Variants in TENM4 observed in about 807,000 individuals in gnomAD.
The protein encoded by TENM4 is teneurin-4.
Under a neutral mutation model 243.3 loss-of-function variants are expected in TENM4, and 82 were observed. The observed-to-expected ratio is 0.34, with a 90% CI of 0.28 to 0.40. The LOEUF is 0.40. Among genes scored for constraint, TENM4 ranks in the 10% least tolerant of loss-of-function variants. The pLI, the probability that TENM4 is intolerant of heterozygous loss-of-function variation, is 1.00. For synonymous variants in TENM4, 1,412 were observed against 1,456.3 expected (o/e 0.97, Z 0.69); for missense variants, 3,138 against 3,673.3 (o/e 0.85, Z 3.77).
chr11:78,886,861 A>G (rs1180972902), intron 9 of TENM4, among the ~76,000 whole-genome samples: 1 of 152,198 alleles, frequency 6.6e-6, no homozygotes, highest in Non-Finnish European at 1.5e-5. Context: ...CAGTGAACTG[A>G]CCATTCCTGG....
Position 79,328,541 on chromosome 11 carries a change from C to T in TENM4, c.-320-30998G>A, listed in dbSNP as rs567482497. Among the ~76,000 whole-genome samples, 6 of 152,224 alleles carry T rather than the reference C, an allele frequency of 3.9e-5. 1 individual carries two copies. The East Asian group carries it at 1.2e-3, about 29-fold the overall frequency. On this transcript the variant is annotated intron_variant, in intron 1 of 33. Coordinates refer to ENST00000278550, the MANE Select transcript of TENM4 (RefSeq NM_001098816.3). ...GACAGCAAACCCCACAACTGTGACC[C>T]TGCAGCTGCCACAGGGTCCAGTTCT...
At chr11:78,794,789 C>T (rs367883764) in intron 15 of TENM4, among the ~76,000 whole-genome samples, 1 of 152,066 alleles carries the variant, frequency 6.6e-6, no homozygotes. Flanking sequence ...AGGACATTTC[C>T]TTTAGGTGGA....
intron 6 of TENM4, among the ~76,000 whole-genome samples, chr11:78,975,725 A>G (rs1406837789): frequency 6.7e-6 from 1 of 149,130 alleles, no homozygotes; most frequent in East Asian, 2.0e-4. Flanking sequence ...CCTCCTACTC[A>G]GATACTGGAG....
chr11:79,141,405 TTCC>T (rs1337887856), intron 4 of TENM4, among the ~76,000 whole-genome samples: 1 of 144,654 alleles, frequency 6.9e-6, no homozygotes, highest in African/African-American at 2.5e-5. Flanking sequence ...AGTGGATAAA[TTCC>T]TAGACATACA....
chr11:78,788,949 T>A (rs1223049739), intron 15 of TENM4, among the ~76,000 whole-genome samples: 1 of 152,042 alleles, frequency 6.6e-6, no homozygotes, highest in Admixed American at 6.5e-5. Flanking sequence ...AAGCACCCCC[T>A]CCTCTGAGAA....
At chr11:79,078,104 G>A (rs570473414) in intron 4 of TENM4, among the ~76,000 whole-genome samples, 61 of 152,230 alleles carry the variant, frequency 4.0e-4, no homozygotes, top group African/African-American at 1.2e-3. Flanking sequence ...TACAGTGCTC[G>A]AAAAAACCTC....
At chr11:79,158,696 T>C (rs1298455119) in intron 3 of TENM4, among the ~76,000 whole-genome samples, 1 of 152,234 alleles carries the variant, frequency 6.6e-6, no homozygotes, top group African/African-American at 2.4e-5. Flanking sequence ...AATCAACATG[T>C]GATATATGCA....
At chr11:79,333,145 C>G (rs1297724953) in intron 1 of TENM4, among the ~76,000 whole-genome samples, 1 of 152,128 alleles carries the variant, frequency 6.6e-6, no homozygotes, top group South Asian at 2.1e-4. Flanking sequence ...TTCGGGGAGA[C>G]TGAGTACCAT....
chr11:79,148,933 G>C (rs1313171877), intron 3 of TENM4, 127 bp from the exon 4 acceptor site: 1 of 163,110 alleles, frequency 6.1e-6, no homozygotes, highest in Non-Finnish European at 1.3e-5. Flanking sequence ...AGTAGCAGCA[G>C]TATGAGCTTT....
chr11:78,814,778 T>C (rs1857569368), intron 12 of TENM4, among the ~76,000 whole-genome samples: 1 of 152,272 alleles, frequency 6.6e-6, no homozygotes, highest in Non-Finnish European at 1.5e-5. Flanking sequence ...TATTTTATGC[T>C]TTTCTCAGAA....
intron 2 of TENM4, among the ~76,000 whole-genome samples, chr11:79,258,288 A>C (rs1031786449): frequency 6.6e-6 from 1 of 152,204 alleles, no homozygotes; most frequent in African/African-American, 2.4e-5. Context: ...GGCTAACCAA[A>C]GGTTTAAGTG....
At position 78,860,407 on chromosome 11, in the gene TENM4, T is replaced by C. The variant is rs373838590; in HGVS notation, c.1255+2555A>G. Among the ~76,000 whole-genome samples the C allele has an allele frequency of 3.8e-4, 58 of 152,362 alleles. 1 individual carries two copies. In the South Asian group the frequency reaches 4.1e-3, roughly 11 times the overall value. ...GGGTCAGGATTAACATCCTATACTGTCTGGCTCCAAGGCCCATTTACCCCT... is the reference window on the plus strand; with the variant it reads ...GGGTCAGGATTAACATCCTATACTGCCTGGCTCCAAGGCCCATTTACCCCT... On this transcript the variant is annotated intron_variant, in intron 10 of 33. Coordinates refer to ENST00000278550, the MANE Select transcript of TENM4 (RefSeq NM_001098816.3).
intron 6 of TENM4, among the ~76,000 whole-genome samples, chr11:78,904,377 T>TAAAAAAAAAAAAAAAAA (rs1333665292): frequency 4.0e-4 from 40 of 100,156 alleles, no homozygotes; most frequent in African/African-American, 1.7e-3. Context: ...AAAAAAAAAG[T>TAAAAAAAAAAAAAAAAA]AAAACATAGA....
intron 6 of TENM4, among the ~76,000 whole-genome samples, chr11:79,043,297 G>A (rs991227661): frequency 2.0e-5 from 3 of 152,114 alleles, no homozygotes; most frequent in Non-Finnish European, 2.9e-5. Flanking sequence ...TACTCATTGT[G>A]TCTGGTTCTC....
intron 1 of TENM4, among the ~76,000 whole-genome samples, chr11:79,304,826 C>T (rs1201274617): frequency 3.9e-5 from 6 of 152,340 alleles, no homozygotes; most frequent in Non-Finnish European, 5.9e-5. Context: ...AGACACTCTG[C>T]ATCAACTTCC....
At chr11:79,021,413 C>T (rs1264745149) in intron 6 of TENM4, among the ~76,000 whole-genome samples, 1 of 152,126 alleles carries the variant, frequency 6.6e-6, no homozygotes, top group East Asian at 1.9e-4. Context: ...GAGTAAACTA[C>T]TTATAGGCAA....
intron 6 of TENM4, among the ~76,000 whole-genome samples, chr11:78,967,168 C>G (rs1325361150): frequency 6.6e-6 from 1 of 152,208 alleles, no homozygotes; most frequent in Non-Finnish European, 1.5e-5. Context: ...GGTGCTCCCA[C>G]AACTCCCTGG....
At position 78,732,374 on chromosome 11, in the gene TENM4, G is replaced by A. The variant is rs1358332761; in HGVS notation, c.3080C>T (p.Pro1027Leu). Residue 1027 changes from proline (P) to leucine (L), a missense_variant, in exon 21 of 34, where the codon CCA becomes CTA. Around this residue, in one of 2 missense-constraint regions of TENM4, gnomAD observed 2,467 missense variants for 3,059.1 expected, o/e 0.81. Coordinates refer to ENST00000278550, the MANE Select transcript of TENM4 (RefSeq NM_001098816.3). ...ACAGGAGCTGGCGAAGGACGTCAGT[G>A]GGGATGGAGAGACGACTGGGTTGGG... ...ARPNPVVSPS[P>L]LTSFASSCAE... 9.3e-6 allele frequency: 15 copies of A among 1,613,864 alleles called. No homozygotes were observed. The highest frequency in any genetic ancestry group is 1.6e-4 in the Middle Eastern group (1 of 6,082).
chr11:78,787,521 C>T (rs1262154197), intron 15 of TENM4, among the ~76,000 whole-genome samples: 4 of 152,172 alleles, frequency 2.6e-5, no homozygotes, highest in Admixed American at 1.3e-4. Flanking sequence ...GAGTCCCCTT[C>T]GCCCAATGAA....
Sources: gnomAD v4.1 joint callset for allele counts (sites outside exome capture counted in the v4.1 genomes callset) on GRCh38, gnomAD v4.1.1 for gene constraint, gnomAD v4.1.1 regional missense constraint, MANE v1.5 for transcripts, NCBI Gene and HGNC (gene_info 2026-07-23, HGNC 2026-07-21) for gene names.